The following OPCML variants were observed in gnomAD, a reference collection of about 807,000 sequenced individuals.
OPCML encodes the protein opioid-binding protein/cell adhesion molecule.
OPCML carries 13 observed loss-of-function variants against 37.8 expected under a neutral mutation model. The observed-to-expected ratio is 0.34, with a 90% confidence interval of 0.22 to 0.55. OPCML has a LOEUF of 0.55. OPCML is among the 20% of genes least tolerant of loss of function. The probability of loss-of-function intolerance (pLI) is 0.91; values close to 1 mark genes in which losing one functional copy is unlikely to be tolerated. For synonymous variants in OPCML, 176 were observed against 168.8 expected (o/e 1.04, Z -0.33); for missense variants, 341 against 435.6 (o/e 0.78, Z 1.93).
At chr11:132,557,220 G>A (rs2096397693) in intron 3 of OPCML, among the ~76,000 whole-genome samples, 1 of 152,152 alleles carries the variant, frequency 6.6e-6, no homozygotes, top group Non-Finnish European at 1.5e-5. Context: ...ATGTCCGTGG[G>A]AGCCAGAAAC....
chr11:133,207,518 G>A (rs1760614847), intron 1 of OPCML, among the ~76,000 whole-genome samples: 1 of 152,072 alleles, frequency 6.6e-6, no homozygotes, highest in South Asian at 2.1e-4. Flanking sequence ...GTAGCTCTGC[G>A]GAGATCTCTG....
intron 1 of OPCML, among the ~76,000 whole-genome samples, chr11:133,497,449 C>T (rs149271390): frequency 5.9e-5 from 9 of 152,194 alleles, no homozygotes; most frequent in African/African-American, 9.6e-5. Context: ...TTTCATTGAG[C>T]GTTTCCTTTC....
intron 2 of OPCML, among the ~76,000 whole-genome samples, chr11:132,880,088 C>G (rs75755478): frequency 2.1e-4 from 32 of 152,154 alleles, no homozygotes; most frequent in African/African-American, 7.7e-4. Context: ...CAAACACTTT[C>G]GCTGATCATT....
At chr11:133,015,201 T>C (rs972883244) in intron 1 of OPCML, among the ~76,000 whole-genome samples, 2 of 152,114 alleles carry the variant, frequency 1.3e-5, no homozygotes, top group South Asian at 2.1e-4. Context: ...GATAGATCAA[T>C]TGATCAATAG....
intron 2 of OPCML, among the ~76,000 whole-genome samples, chr11:132,847,395 G>T (rs1188053338): frequency 2.6e-5 from 4 of 151,962 alleles, no homozygotes; most frequent in African/African-American, 9.7e-5. Context: ...ATATTAATTT[G>T]TACGTAGTTA....
intron 2 of OPCML, among the ~76,000 whole-genome samples, chr11:132,871,268 A>C (rs1015083352): frequency 6.6e-6 from 1 of 151,986 alleles, no homozygotes; most frequent in Non-Finnish European, 1.5e-5. Flanking sequence ...ACATCCATGA[A>C]TTCAATCAAC....
chr11:133,412,902 A>C (rs1565620856), intron 1 of OPCML, among the ~76,000 whole-genome samples: 2 of 152,198 alleles, frequency 1.3e-5, no homozygotes, highest in Non-Finnish European at 2.9e-5. Context: ...TTTTTCACAG[A>C]AAATATCTCC....
intron 2 of OPCML, among the ~76,000 whole-genome samples, chr11:132,720,725 C>A (rs971551213): frequency 6.6e-6 from 1 of 152,074 alleles, no homozygotes; most frequent in African/African-American, 2.4e-5. Flanking sequence ...GACCTAGGAT[C>A]CAATTATTGA....
intron 4 of OPCML, among the ~76,000 whole-genome samples, chr11:132,498,318 T>A (rs2096237753): frequency 6.6e-6 from 1 of 152,342 alleles, no homozygotes; most frequent in African/African-American, 2.4e-5. Flanking sequence ...CCATTGGTCA[T>A]CTGTTTTTTC....
chr11:133,118,831 C>G (rs746203863), intron 1 of OPCML, among the ~76,000 whole-genome samples: 5 of 152,152 alleles, frequency 3.3e-5, no homozygotes, highest in Admixed American at 6.5e-5. Context: ...GCCAGGAACA[C>G]AGCAAAGTGC....
At chr11:132,565,633 CAAG>C (rs1324938046) in intron 3 of OPCML, among the ~76,000 whole-genome samples, 1 of 152,238 alleles carries the variant, frequency 6.6e-6, no homozygotes, top group Non-Finnish European at 1.5e-5. Flanking sequence ...TCAATGCTTA[CAAG>C]AAGCTCTCTT....
intron 4 of OPCML, among the ~76,000 whole-genome samples, chr11:132,514,685 T>C (rs573962988): frequency 6.6e-4 from 101 of 152,270 alleles, no homozygotes; most frequent in African/African-American, 2.4e-3. Flanking sequence ...TCCAACTGCT[T>C]TCATGCCTTC....
chr11:133,215,060 T>C (rs1269484761), intron 1 of OPCML, among the ~76,000 whole-genome samples: 1 of 152,204 alleles, frequency 6.6e-6, no homozygotes, highest in African/African-American at 2.4e-5. Flanking sequence ...GTCACAAATA[T>C]ACCTAGTTAT....
chr11:133,065,505 T>C (rs1457086265), intron 1 of OPCML: 1 of 152,226 alleles, frequency 6.6e-6, no homozygotes, highest in Non-Finnish European at 1.5e-5. Context: ...TTACACGATA[T>C]TGCCCGTGTG....
At chr11:132,646,111 A>C (rs570326871) in intron 3 of OPCML, among the ~76,000 whole-genome samples, 21 of 152,226 alleles carry the variant, frequency 1.4e-4, no homozygotes, top group Non-Finnish European at 2.6e-4. Flanking sequence ...ATAAAAGACT[A>C]CAAATTGGGC....
At chr11:133,443,420 C>T (rs1946404569) in intron 1 of OPCML, among the ~76,000 whole-genome samples, 1 of 152,212 alleles carries the variant, frequency 6.6e-6, no homozygotes, top group Non-Finnish European at 1.5e-5. Context: ...TAACACAAGG[C>T]TGATCCTGAA....
chr11:132,926,581 G>A (rs1267532455), intron 2 of OPCML, among the ~76,000 whole-genome samples: 1 of 152,148 alleles, frequency 6.6e-6, no homozygotes, highest in Non-Finnish European at 1.5e-5. Context: ...ATTAGTGAAG[G>A]TCTTCCCTTG....
chr11:133,213,313 T>C (rs1939447033), intron 1 of OPCML, among the ~76,000 whole-genome samples: 1 of 150,922 alleles, frequency 6.6e-6, no homozygotes, highest in African/African-American at 2.4e-5. Flanking sequence ...ATGACCTTAA[T>C]AGAGCAATAA....
chr11:133,008,311 GT>G, intron 1 of OPCML: 1 of 985,326 alleles, frequency 1.0e-6, no homozygotes, highest in Non-Finnish European at 1.2e-6. Context: ...CTACTGCCTG[GT>G]AAACAACTAA....
Sources: gnomAD v4.1 joint callset for allele counts (sites outside exome capture counted in the v4.1 genomes callset) on GRCh38, gnomAD v4.1.1 for gene constraint, MANE v1.5 for transcripts, NCBI Gene and HGNC (gene_info 2026-07-23, HGNC 2026-07-21) for gene names.